RPS6KC1: variants seen among roughly 807,000 people sequenced by gnomAD.
RPS6KC1 encodes inactive ribosomal protein S6 kinase delta-1.
RPS6KC1 carries 54 observed loss-of-function variants against 103.8 expected under a neutral mutation model. That is an observed-to-expected ratio of 0.52 (90% CI 0.42 to 0.65). The LOEUF is 0.65. Ranked by LOEUF, RPS6KC1 falls within the 30% of genes least tolerant of loss-of-function variation. The probability of loss-of-function intolerance (pLI) is 0.00; values close to 1 mark genes in which losing one functional copy is unlikely to be tolerated. For synonymous variants in RPS6KC1, 439 were observed against 438.7 expected (o/e 1.00, Z -0.01); for missense variants, 1,151 against 1,253.8 (o/e 0.92, Z 1.24).
At chr1:213,095,569 T>C (rs2081370384) in intron 3 of RPS6KC1, among the ~76,000 whole-genome samples, 1 of 152,162 alleles carries the variant, frequency 6.6e-6, no homozygotes, top group Non-Finnish European at 1.5e-5. Flanking sequence ...ATAACCATTG[T>C]TGGGTGATTG....
At chr1:213,375,538 G>A in the RPS6KC1 span, among the ~76,000 whole-genome samples, 3 of 152,212 alleles carry the variant, frequency 2.0e-5, no homozygotes, top group East Asian at 1.9e-4. Flanking sequence ...ACTTGCCATC[G>A]GATCCCCCAC....
intron 6 of RPS6KC1, among the ~76,000 whole-genome samples, chr1:213,152,444 G>C (rs1477482167): frequency 6.6e-6 from 1 of 150,396 alleles, no homozygotes; most frequent in African/African-American, 2.4e-5. Context: ...CTTCCCAGAC[G>C]GGGCGGCTGC....
intron 8 of RPS6KC1, among the ~76,000 whole-genome samples, chr1:213,211,800 C>T (rs1271094812): frequency 2.0e-5 from 3 of 152,074 alleles, no homozygotes; most frequent in African/African-American, 7.2e-5. Flanking sequence ...GGAGAATGAC[C>T]TGGATTTTGC....
At chr1:213,576,078 G>A in the RPS6KC1 span, among the ~76,000 whole-genome samples, 1 of 152,164 alleles carries the variant, frequency 6.6e-6, no homozygotes, top group Non-Finnish European at 1.5e-5. Context: ...TTGGGTGGAG[G>A]GGGTACAAGT....
intron 8 of RPS6KC1, chr1:213,205,126 T>G (rs1005697330): frequency 3.3e-6 from 1 of 306,750 alleles, no homozygotes; most frequent in African/African-American, 2.3e-5. Context: ...AGAATTGTGT[T>G]GTATACCTTG....
the RPS6KC1 span, among the ~76,000 whole-genome samples, chr1:213,536,175 T>C: frequency 1.6e-4 from 25 of 152,288 alleles, no homozygotes; most frequent in Middle Eastern, 3.4e-3. Context: ...TAAAAAATGA[T>C]ACAAAGTGTT....
At chr1:213,077,630 T>G in intron 2 of RPS6KC1, 66 bp from the exon 3 acceptor site, 1 of 1,002,500 alleles carries the variant, frequency 1.0e-6, no homozygotes, top group Non-Finnish European at 1.4e-6. Flanking sequence ...ATGAAAGGAT[T>G]ATTTGTTGTT....
chr1:213,500,196 T>C, the RPS6KC1 span, among the ~76,000 whole-genome samples: 3,902 of 152,330 alleles, frequency 0.026, 139 homozygotes, highest in East Asian at 0.12. Flanking sequence ...CCTTATTCTG[T>C]AAGCTTTTTC....
the RPS6KC1 span, among the ~76,000 whole-genome samples, chr1:213,284,534 T>C: frequency 1.3e-5 from 2 of 149,232 alleles, no homozygotes; most frequent in Admixed American, 1.3e-4. Flanking sequence ...AGTGAATAAA[T>C]ACAACAGAAG....
At chr1:213,787,957 A>G in the RPS6KC1 span, among the ~76,000 whole-genome samples, 2 of 152,162 alleles carry the variant, frequency 1.3e-5, no homozygotes, top group Admixed American at 6.5e-5. Context: ...AATGAAACCA[A>G]GTATAAGCAG....
chr1:213,272,847 A>G lies in RPS6KC1; in HGVS notation c.*213A>G. 7.4e-6 allele frequency: 3 copies of G among 407,726 alleles called. No individual in the cohort carries two copies. Among genetic ancestry groups the G allele is most frequent in the Non-Finnish European group, 1.4e-5 (3 of 217,814 alleles). 25.3% of individuals were successfully genotyped at this position (407,726 alleles called of 1,614,324 possible). On this transcript the variant is annotated 3_prime_UTR_variant, in exon 15 of 15. Transcript: ENST00000366960. Reference sequence around the variant, plus strand: ...GTGCCAGGGGCTGTTATATACATATATACACAACCAAGGTGTGATCTGAAT... The same window carrying G: ...GTGCCAGGGGCTGTTATATACATATGTACACAACCAAGGTGTGATCTGAAT...
chr1:213,245,756 GA>G (rs1256954017), intron 12 of RPS6KC1, among the ~76,000 whole-genome samples: 1 of 151,878 alleles, frequency 6.6e-6, no homozygotes, highest in African/African-American at 2.4e-5. Context: ...GTTTAAAAAA[GA>G]AAAAACACAC....
At chr1:213,655,313 G>T in the RPS6KC1 span, among the ~76,000 whole-genome samples, 2 of 136,836 alleles carry the variant, frequency 1.5e-5, no homozygotes, top group Non-Finnish European at 3.4e-5. Context: ...AATGTACTGG[G>T]ATTACAGGCA....
At chr1:213,712,729 C>T in the RPS6KC1 span, among the ~76,000 whole-genome samples, 1 of 152,216 alleles carries the variant, frequency 6.6e-6, no homozygotes, top group African/African-American at 2.4e-5. Context: ...CCGTCCCTCA[C>T]TGCAGGATCC....
At chr1:213,185,377 G>A (rs1381847469) in intron 8 of RPS6KC1, among the ~76,000 whole-genome samples, 1 of 152,182 alleles carries the variant, frequency 6.6e-6, no homozygotes, top group Non-Finnish European at 1.5e-5. Flanking sequence ...CTGGCACAGT[G>A]GCTTATGCCT....
the RPS6KC1 span, among the ~76,000 whole-genome samples, chr1:213,316,700 AGTGTGTGTGT>A: frequency 7.6e-5 from 11 of 144,520 alleles, no homozygotes; most frequent in African/African-American, 2.5e-4. Context: ...TAGGGCATGC[AGTGTGTGTGT>A]GTGTGTGTGT....
the RPS6KC1 span, among the ~76,000 whole-genome samples, chr1:213,387,729 G>A: frequency 2.6e-3 from 394 of 152,328 alleles, no homozygotes; most frequent in African/African-American, 9.2e-3. Flanking sequence ...AAATTAGGAA[G>A]ACAATGACAT....
At chr1:213,433,942 T>C in the RPS6KC1 span, among the ~76,000 whole-genome samples, 1 of 152,196 alleles carries the variant, frequency 6.6e-6, no homozygotes, top group African/African-American at 2.4e-5. Context: ...AAGCAGACAA[T>C]TTAATTTTGA....
Position 213,272,701 on chromosome 1 carries a change from A to C in RPS6KC1, c.*67A>C. ...TGACAGGCATCTCCAGCACTGAGGC[A>C]CCTCTGACTCACAGTTACTTATGGA... is the stretch of plus-strand genomic sequence containing the variant. On this transcript the variant is annotated 3_prime_UTR_variant, in exon 15 of 15. Transcript: ENST00000366960. 1 of 1,148,062 alleles carries C rather than the reference A, an allele frequency of 8.7e-7. No homozygotes were observed. The highest frequency in any genetic ancestry group is 1.3e-6 in the Non-Finnish European group (1 of 762,682). 71.1% of individuals were successfully genotyped at this position (1,148,062 alleles called of 1,614,324 possible). A position where few individuals can be genotyped will look rare whatever the true frequency, so the allele number is the denominator to read the frequency against.
Sources: gnomAD v4.1 joint callset for allele counts (sites outside exome capture counted in the v4.1 genomes callset) on GRCh38, gnomAD v4.1.1 for gene constraint, MANE v1.5 for transcripts, NCBI Gene and HGNC (gene_info 2026-07-23, HGNC 2026-07-21) for gene names.